HIPK2: variants seen among roughly 807,000 people sequenced by gnomAD.
HIPK2 encodes homeodomain interacting protein kinase 2.
A neutral mutation model predicts 113.7 loss-of-function variants in HIPK2; 27 were observed. That is an observed-to-expected ratio of 0.24 (90% confidence interval 0.17 to 0.33). HIPK2 has a LOEUF of 0.33. Among genes scored for constraint, HIPK2 ranks in the 10% least tolerant of loss-of-function variants. The pLI is 1.00. For missense variants in HIPK2, 1,257 were observed against 1,588.0 expected, an observed-to-expected ratio of 0.79 and a Z score of 3.54; for synonymous variants, 631 against 642.2, an observed-to-expected ratio of 0.98 and a Z score of 0.26.
At chr7:139,708,308 C>T (rs1023765451) in intron 2 of HIPK2, among the ~76,000 whole-genome samples, 14 of 152,148 alleles carry the variant, frequency 9.2e-5, no homozygotes, top group African/African-American at 3.4e-4. Flanking sequence ...CAGCCCCGAA[C>T]CCATCAAGTC....
chr7:139,573,153 T>G lies in HIPK2; in HGVS notation c.3371A>C (p.Gln1124Pro). Residue 1124 changes from glutamine (Q) to proline (P), a missense_variant, in exon 15 of 15, where the codon CAA becomes CCA. Gln to Pro is a moderately conservative substitution (Grantham distance 76). Around this residue, in one of 5 missense-constraint regions of HIPK2, gnomAD observed 862 missense variants for 1,004.3 expected, o/e 0.86. Transcript: ENST00000406875. ...CTGCACGGTGTGGCGCGCAGAGCCT[T>G]GCGAGGCCACCAGGTGGGCCACGGT... ...TGTVAHLVAS[Q>P]GSARHTVQHT... is the part of the protein sequence containing the mutation. 1 of 1,610,678 alleles carries G rather than the reference T, an allele frequency of 6.2e-7. No homozygotes were observed. Among genetic ancestry groups the G allele is most frequent in the Non-Finnish European group, 8.5e-7 (1 of 1,179,232 alleles).
intron 1 of HIPK2, among the ~76,000 whole-genome samples, chr7:139,726,268 G>A (rs1328789225): frequency 1.3e-5 from 2 of 152,224 alleles, no homozygotes; most frequent in East Asian, 3.8e-4. Flanking sequence ...CAGCCAATGG[G>A]AAAGCTGGTC....
At chr7:139,588,516 A>T (rs1396406783) in intron 12 of HIPK2, among the ~76,000 whole-genome samples, 1 of 151,168 alleles carries the variant, frequency 6.6e-6, no homozygotes, top group African/African-American at 2.4e-5. Context: ...ACTGTCTTAA[A>T]AAAAAAAAAA....
chr7:139,583,927 G>T lies in HIPK2; in HGVS notation c.2855C>A (p.Thr952Asn). ...GCAGTGATTCTCCAGGCTCCCCTTG[G>T]TGTCAAAGGCATTGGCATTGTTGTG... ...AGHNNANAFDTKGSLENHCTG... is the reference protein window; with the variant it reads ...AGHNNANAFDNKGSLENHCTG... Residue 952 changes from threonine (T) to asparagine (N), a missense_variant, in exon 13 of 15, where the codon ACC becomes AAC. Physicochemically the swap from Thr to Asn is moderately conservative, Grantham distance 65. Transcript: ENST00000406875. 6.2e-7 allele frequency: 1 copy of T among 1,614,066 alleles called. No individual in the cohort carries two copies. Among genetic ancestry groups the T allele is most frequent in the Non-Finnish European group, 8.5e-7 (1 of 1,179,900 alleles).
rs568010354 is a variant in HIPK2, at chr7:139,598,870, CTAA to C, written c.2435+1544_2435+1546del. Reference sequence around the variant, plus strand: ...ACAGTGGACTTTGTTGCCACCCAGTCTAATAATGACATGGGTGAGCTGTCACAA... The same window carrying C: ...ACAGTGGACTTTGTTGCCACCCAGTCTAATGACATGGGTGAGCTGTCACAA... On this transcript the variant is annotated intron_variant, in intron 11 of 14. Coordinates refer to ENST00000406875, the MANE Select transcript of HIPK2 (RefSeq NM_022740.5). Among the ~76,000 whole-genome samples, 172 of 152,300 alleles carry C rather than the reference CTAA, an allele frequency of 1.1e-3. 1 individual carries two copies. The highest frequency in any genetic ancestry group is 3.7e-3 in the African/African-American group (152 of 41,572).
chr7:139,690,597 G>A (rs570023518), intron 2 of HIPK2, among the ~76,000 whole-genome samples: 1 of 152,224 alleles, frequency 6.6e-6, no homozygotes, highest in East Asian at 1.9e-4. Context: ...GATCGTTTGT[G>A]CCCAGGAGTT....
At chr7:139,752,724 G>GAAA (rs768536532) in intron 1 of HIPK2, among the ~76,000 whole-genome samples, 3 of 104,694 alleles carry the variant, frequency 2.9e-5, no homozygotes, top group Non-Finnish European at 5.8e-5. Context: ...TTTCACAGCT[G>GAAA]AAAAAAAAAA....
At chr7:139,588,967 T>C (rs17161015) in intron 12 of HIPK2, among the ~76,000 whole-genome samples, 1,770 of 152,276 alleles carry the variant, frequency 0.012, 29 homozygotes, top group African/African-American at 0.039. Flanking sequence ...CAGCTACTCC[T>C]GAATGATGAA....
rs776369379 is a variant in HIPK2 at position 139,716,689 on chromosome 7, G to A, written c.346C>T (p.Arg116Cys). 9 of 1,613,850 alleles carry A rather than the reference G, an allele frequency of 5.6e-6. No homozygotes were observed. Among genetic ancestry groups the A allele is most frequent in the Admixed American group, 1.7e-5 (1 of 59,986 alleles). Residue 116 changes from arginine (R) to cysteine (C), a missense_variant, in exon 2 of 15, where the codon CGT becomes TGT. Transcript: ENST00000406875. This position sits in a 1 kb window ranked among gnomAD's most constrained non-coding sequence, Gnocchi z 9.3. ...QVLGGPHNLM[R>C]RSTVSLLDTY... ...TCAAGGAGGCTCACAGTGCTTCGAC[G>A]CATTAGGTTGTGTGGTCCGCCGAGG... is the stretch of plus-strand genomic sequence containing the variant.
intron 12 of HIPK2, among the ~76,000 whole-genome samples, chr7:139,594,953 G>A (rs1799149689): frequency 6.6e-6 from 1 of 152,132 alleles, no homozygotes; most frequent in Non-Finnish European, 1.5e-5. Flanking sequence ...GGGGGCCTTA[G>A]GGGCTGCCGC....
intron 2 of HIPK2, among the ~76,000 whole-genome samples, chr7:139,704,544 C>T (rs1017025999): frequency 0.11 from 15,978 of 151,888 alleles, 1,412 homozygotes; most frequent in African/African-American, 0.22. Flanking sequence ...ACCCCATACA[C>T]ACAGCAACAT....
rs775602641 is a variant in HIPK2, at chr7:139,717,019, C to T, written c.20-4G>A. On this transcript the variant is annotated splice_polypyrimidine_tract_variant and splice_region_variant and intron_variant, in intron 1 of 14. Coordinates refer to ENST00000406875, the MANE Select transcript of HIPK2 (RefSeq NM_022740.5). ...ACTTGCACATGTGAGGCCATACCTA[C>T]AAGGAAAGGAAAACGAAAAGTAAGT... 3.1e-6 allele frequency: 5 copies of T among 1,601,452 alleles called. No individual in the cohort carries two copies. In the East Asian group the frequency reaches 6.7e-5, roughly 22 times the overall value.
intron 1 of HIPK2, among the ~76,000 whole-genome samples, chr7:139,759,281 A>G (rs1393034254): frequency 6.6e-6 from 1 of 152,236 alleles, no homozygotes; most frequent in African/African-American, 2.4e-5. Context: ...AAGTTTGACA[A>G]CAGATTCCAT....
At chr7:139,734,917 C>T (rs181596432) in intron 1 of HIPK2, among the ~76,000 whole-genome samples, 78 of 152,224 alleles carry the variant, frequency 5.1e-4, no homozygotes, top group Non-Finnish European at 8.8e-4. Flanking sequence ...AATTACAAAA[C>T]CAGGATTTGA....
At chr7:139,590,871 G>T (rs982612819) in intron 12 of HIPK2, among the ~76,000 whole-genome samples, 4 of 152,078 alleles carry the variant, frequency 2.6e-5, no homozygotes, top group African/African-American at 9.7e-5. Flanking sequence ...TAGAGACAGG[G>T]TCTCACTCTG....
chr7:139,580,165 C>T (rs1291257292), intron 13 of HIPK2, among the ~76,000 whole-genome samples: 2 of 152,198 alleles, frequency 1.3e-5, no homozygotes, highest in Non-Finnish European at 2.9e-5. Flanking sequence ...CGGCGGGTCA[C>T]AGACTGTGCT....
At chr7:139,674,411 G>A (rs953380122) in intron 2 of HIPK2, among the ~76,000 whole-genome samples, 5 of 152,198 alleles carry the variant, frequency 3.3e-5, no homozygotes, top group African/African-American at 1.2e-4. Flanking sequence ...ACTTAAAGGA[G>A]AGCTCGGTAG....
intron 6 of HIPK2, among the ~76,000 whole-genome samples, chr7:139,626,323 G>A (rs1271730220): frequency 2.0e-5 from 3 of 151,930 alleles, no homozygotes; most frequent in East Asian, 1.9e-4. Context: ...GGCTGGTCTC[G>A]AACTCCTGAC....
intron 2 of HIPK2, among the ~76,000 whole-genome samples, chr7:139,668,063 T>G (rs2116608585): frequency 6.7e-6 from 1 of 149,266 alleles, no homozygotes; most frequent in East Asian, 2.0e-4. Context: ...GAGGTGGAGG[T>G]TGCAGCAAGC....
Sources: allele counts gnomAD v4.1 joint callset (sites outside exome capture counted in the v4.1 genomes callset), GRCh38; gene constraint gnomAD v4.1.1; regional missense constraint gnomAD v4.1.1; non-coding constraint Gnocchi (gnomAD v3.1); transcripts MANE v1.5; gene names NCBI Gene and HGNC (gene_info 2026-07-23, HGNC 2026-07-21).